FSHR: variants seen among roughly 807,000 people sequenced by gnomAD.
FSHR encodes follicle-stimulating hormone receptor.
In FSHR, 46 loss-of-function variants were observed where a neutral mutation model predicts 52.1. That is an observed-to-expected ratio of 0.88 (90% confidence interval 0.70 to 1.13). FSHR has a LOEUF of 1.13. FSHR is among the 50% of genes most tolerant of loss of function. The pLI is 0.00. For synonymous variants in FSHR, 399 were observed against 309.6 expected (o/e 1.29, Z -3.03); for missense variants, 964 against 834.6 (o/e 1.16, Z -1.91).
chr2:49,127,082 G>A (rs1007105979), intron 1 of FSHR, among the ~76,000 whole-genome samples: 1 of 152,136 alleles, frequency 6.6e-6, no homozygotes, highest in East Asian at 1.9e-4. Context: ...AATCCCAGCC[G>A]TTTGGGAGAC....
chr2:48,962,682 A>G lies in FSHR; in HGVS notation c.*51T>C, dbSNP rs765784313. On this transcript the variant is annotated 3_prime_UTR_variant, in exon 10 of 10. Transcript: ENST00000406846. ...CAGCTCTTTGTGACATACCCTTCAA[A>G]GGCAAGACTGAATTATCATTCAATA... is the stretch of plus-strand genomic sequence containing the variant. 1.3e-6 allele frequency: 2 copies of G among 1,565,418 alleles called. No homozygotes were observed. The highest frequency in any genetic ancestry group is 2.2e-5 in the South Asian group (2 of 89,860).
intron 1 of FSHR, among the ~76,000 whole-genome samples, chr2:49,118,521 T>A (rs1572767705): frequency 6.6e-6 from 1 of 152,122 alleles, no homozygotes. Flanking sequence ...AGGGTGGTCA[T>A]GGGAGAATAG....
At chr2:49,131,311 G>T (rs1672254022) in intron 1 of FSHR, among the ~76,000 whole-genome samples, 2 of 152,122 alleles carry the variant, frequency 1.3e-5, no homozygotes, top group Admixed American at 1.3e-4. Flanking sequence ...GAGCCTATTT[G>T]CTTTTATGCA....
At chr2:49,076,660 T>G (rs1445946967) in intron 1 of FSHR, among the ~76,000 whole-genome samples, 1 of 152,164 alleles carries the variant, frequency 6.6e-6, no homozygotes, top group Non-Finnish European at 1.5e-5. Flanking sequence ...ATCCAGAGTC[T>G]CATCTGAGAC....
chr2:49,127,995 C>G (rs1672127211), intron 1 of FSHR, among the ~76,000 whole-genome samples: 1 of 150,378 alleles, frequency 6.6e-6, no homozygotes, highest in Non-Finnish European at 1.5e-5. Flanking sequence ...CAGGTTCAAG[C>G]AATTCTCAGG....
chr2:49,044,155 A>G (rs763984241), intron 2 of FSHR, among the ~76,000 whole-genome samples: 5 of 152,206 alleles, frequency 3.3e-5, no homozygotes, highest in Non-Finnish European at 7.3e-5. Context: ...CGATGAATGG[A>G]TAGCTAGATT....
chr2:49,026,205 A>G (rs1667905896), intron 2 of FSHR, among the ~76,000 whole-genome samples: 1 of 152,210 alleles, frequency 6.6e-6, no homozygotes, highest in Admixed American at 6.5e-5. Flanking sequence ...AATTAAATGC[A>G]CTTGGTTTCA....
chr2:48,987,306 C>T (rs1054244158), intron 6 of FSHR, among the ~76,000 whole-genome samples: 8 of 152,128 alleles, frequency 5.3e-5, no homozygotes, highest in African/African-American at 1.2e-4. Context: ...CGGGTTCAAG[C>T]GATTCCCCTG....
intron 2 of FSHR, among the ~76,000 whole-genome samples, chr2:49,036,785 A>T (rs1369973059): frequency 1.3e-5 from 2 of 152,244 alleles, no homozygotes; most frequent in East Asian, 3.8e-4. Flanking sequence ...CACAAAGACT[A>T]AAACAGTGAT....
At position 48,963,433 on chromosome 2, in the gene FSHR, A is replaced by T. The variant is rs1339356330; in HGVS notation, c.1388T>A (p.Ile463Asn). 4 of 1,614,176 alleles carry T rather than the reference A, an allele frequency of 2.5e-6. No homozygotes were observed. Among genetic ancestry groups the T allele is most frequent in the Non-Finnish European group, 3.4e-6 (4 of 1,180,018 alleles). The change falls in exon 10 of 10, where the codon ATC becomes AAC. Residue 463 changes from isoleucine (I) to asparagine (N), a missense_variant. Coordinates refer to ENST00000406846, the MANE Select transcript of FSHR (RefSeq NM_000145.4). ...GATGGTATGCCATCTTTCCAAGGTG[A>T]TAGCTGTCAGAGTGTAGACTGACAG... ...SELSVYTLTA[I>N]TLERWHTITH...
At position 49,006,437 on chromosome 2, in the gene FSHR, C is replaced by T. The variant is rs529736495; in HGVS notation, c.374+11052G>A. Among the ~76,000 whole-genome samples, 15 of 152,256 alleles carry T rather than the reference C, an allele frequency of 9.9e-5. No homozygotes were observed. In the East Asian group the frequency reaches 2.9e-3, roughly 29 times the overall value. On this transcript the variant is annotated intron_variant, in intron 4 of 9. Coordinates refer to ENST00000406846, the MANE Select transcript of FSHR (RefSeq NM_000145.4). ...CCCTATCCATCCAAATCTAGTCATA[C>T]TCTTTCTCAGTACACACCTTCTTTT...
At chr2:49,139,104 G>T (rs1672584679) in intron 1 of FSHR, among the ~76,000 whole-genome samples, 1 of 152,292 alleles carries the variant, frequency 6.6e-6, no homozygotes, top group Admixed American at 6.5e-5. Context: ...AAAACAAGGG[G>T]AAGGAGGTAG....
chr2:49,021,899 A>AGAGAGAGAGAGAGAGAGAGAGG lies in FSHR; in HGVS notation c.225-1740_225-1739insCCTCTCTCTCTCTCTCTCTCTC, dbSNP rs1667737738. Among the ~76,000 whole-genome samples, 4 of 77,130 alleles carry AGAGAGAGAGAGAGAGAGAGAGG rather than the reference A, an allele frequency of 5.2e-5. No homozygotes were observed. The Admixed American group carries it at 6.4e-4, about 12-fold the overall frequency. The allele number at this position is 77,130 out of a possible 152,430, so 50.6% of individuals were successfully genotyped here. A position where few individuals can be genotyped will look rare whatever the true frequency, so the allele number is the denominator to read the frequency against. Reference sequence around the variant, plus strand: ...TATATATATATATAGAGAGAGAGAGAGAGAGAGAGAGAGAGAGAGAGAATG... The same window carrying AGAGAGAGAGAGAGAGAGAGAGG: ...TATATATATATATAGAGAGAGAGAGAGAGAGAGAGAGAGAGAGAGAGGGAGAGAGAGAGAGAGAGAGAGAATG... On this transcript the variant is annotated intron_variant, in intron 2 of 9. Transcript: ENST00000406846.
chr2:49,065,165 T>C (rs1333362448), intron 2 of FSHR, among the ~76,000 whole-genome samples: 1 of 152,024 alleles, frequency 6.6e-6, no homozygotes, highest in South Asian at 2.1e-4. Context: ...ACAGTGCATA[T>C]GGTGGGAAAT....
intron 3 of FSHR, 23 bp from the exon 4 acceptor site, chr2:49,017,586 C>G (rs762103961): frequency 2.6e-6 from 4 of 1,557,770 alleles, no homozygotes; most frequent in Non-Finnish European, 1.8e-6. Context: ...AAAAAACATG[C>G]TAGTGATCTT....
intron 1 of FSHR, among the ~76,000 whole-genome samples, chr2:49,073,464 A>T (rs972767416): frequency 1.3e-5 from 2 of 152,044 alleles, no homozygotes; most frequent in Non-Finnish European, 2.9e-5. Context: ...AATAGCTACA[A>T]AAAAATACCC....
At chr2:49,139,667 G>A (rs1042154766) in intron 1 of FSHR, among the ~76,000 whole-genome samples, 11 of 150,370 alleles carry the variant, frequency 7.3e-5, no homozygotes, top group South Asian at 6.3e-4. Context: ...GCATGATCAC[G>A]GCTCACTGCA....
intron 4 of FSHR, among the ~76,000 whole-genome samples, chr2:48,999,010 T>C (rs1458294684): frequency 6.6e-6 from 1 of 152,060 alleles, no homozygotes; most frequent in African/African-American, 2.4e-5. Flanking sequence ...CGGAAACATA[T>C]GCTTTGTTTG....
chr2:49,103,745 TA>T (rs1671119155), intron 1 of FSHR, among the ~76,000 whole-genome samples: 2 of 152,118 alleles, frequency 1.3e-5, no homozygotes, highest in Admixed American at 1.3e-4. Context: ...TGGAATAACC[TA>T]CATAAGGGTC....
Sources: allele counts gnomAD v4.1 joint callset (sites outside exome capture counted in the v4.1 genomes callset), GRCh38; gene constraint gnomAD v4.1.1; transcripts MANE v1.5; gene names NCBI Gene and HGNC (gene_info 2026-07-23, HGNC 2026-07-21).